The following ANO3 variants were observed in gnomAD, a reference collection of about 807,000 sequenced individuals.
ANO3 encodes anoctamin-3.
ANO3 carries 99 observed loss-of-function variants against 144.8 expected under a neutral mutation model. The ratio of observed to expected loss-of-function variants is 0.68; its 90% CI spans 0.58 to 0.81. The LOEUF (loss-of-function observed/expected upper bound fraction) is 0.81, where lower values mean the gene tolerates loss of function less well. Ranked by LOEUF, ANO3 falls within the 30% of genes least tolerant of loss-of-function variation. The pLI, the probability that ANO3 is intolerant of heterozygous loss-of-function variation, is 0.00. For missense variants in ANO3, 905 were observed against 1,202.2 expected, an observed-to-expected ratio of 0.75 and a Z score of 3.66; for synonymous variants, 414 against 392.6, an observed-to-expected ratio of 1.05 and a Z score of -0.64.
intron 1 of ANO3, among the ~76,000 whole-genome samples, chr11:26,233,212 G>A (rs565748055): frequency 2.4e-4 from 29 of 120,872 alleles, no homozygotes; most frequent in East Asian, 1.1e-3. Flanking sequence ...GCAAGACTCC[G>A]TCTCAAAAAA....
intron 14 of ANO3, among the ~76,000 whole-genome samples, chr11:26,579,076 G>A (rs889685022): frequency 6.6e-6 from 1 of 152,100 alleles, no homozygotes; most frequent in Non-Finnish European, 1.5e-5. Flanking sequence ...ATTAAGTGAG[G>A]TTACAACCAG....
intron 1 of ANO3, among the ~76,000 whole-genome samples, chr11:26,190,468 C>T (rs756453276): frequency 6.6e-6 from 1 of 151,868 alleles, no homozygotes; most frequent in African/African-American, 2.4e-5. Context: ...AGATATTGAA[C>T]CTAAAATTTC....
intron 1 of ANO3, among the ~76,000 whole-genome samples, chr11:26,214,459 C>T (rs1429394429): frequency 6.6e-6 from 1 of 151,806 alleles, no homozygotes; most frequent in Non-Finnish European, 1.5e-5. Flanking sequence ...TAGATGTCAT[C>T]GCATCACTAT....
At chr11:26,442,200 GT>G in intron 2 of ANO3, 88 bp downstream of exon 2, 1 of 1,294,698 alleles carries the variant, frequency 7.7e-7, no homozygotes, top group Non-Finnish European at 1.1e-6. Flanking sequence ...CATTGGACCA[GT>G]TTTATAGAGC....
At chr11:26,581,641 A>G (rs1235964734) in intron 14 of ANO3, among the ~76,000 whole-genome samples, 1 of 150,320 alleles carries the variant, frequency 6.7e-6, no homozygotes, top group Non-Finnish European at 1.5e-5. Context: ...GTGAGCCAAG[A>G]TCACACCATT....
intron 1 of ANO3, among the ~76,000 whole-genome samples, chr11:26,373,089 T>A (rs1409623635): frequency 6.6e-6 from 1 of 152,194 alleles, no homozygotes; most frequent in Non-Finnish European, 1.5e-5. Context: ...ATGGCAATTA[T>A]GTATATACGG....
At chr11:26,554,940 G>C (rs928066517) in intron 13 of ANO3, among the ~76,000 whole-genome samples, 1 of 152,066 alleles carries the variant, frequency 6.6e-6, no homozygotes, top group Non-Finnish European at 1.5e-5. Flanking sequence ...CCAGCATAGG[G>C]ATAAAATCAA....
At chr11:26,658,032 A>C (rs1475260039) in intron 26 of ANO3, among the ~76,000 whole-genome samples, 1 of 152,128 alleles carries the variant, frequency 6.6e-6, no homozygotes, top group Non-Finnish European at 1.5e-5. Context: ...TACCCCAAAA[A>C]AATCTCTGCC....
At chr11:26,396,803 G>C (rs57163459) in intron 1 of ANO3, among the ~76,000 whole-genome samples, 40,256 of 151,428 alleles carry the variant, frequency 0.27, 6,005 homozygotes, top group African/African-American at 0.41. Context: ...GGTGGTGGGG[G>C]ACTAGGGGAG....
chr11:26,463,082 C>A lies in ANO3; in HGVS notation c.366C>A (p.Asp122Glu), dbSNP rs900925249. ...ATGAATCAGAACACGCTACTTATGA[C>A]CGATCTCGTCTCATTAATGACTTTG... Reference protein sequence around the residue: ...YTDESEHATYDRSRLINDFVI... With the variant: ...YTDESEHATYERSRLINDFVI... Residue 122 changes from aspartate (D) to glutamate (E), a missense_variant, in exon 4 of 27, where the codon GAC (aspartate) becomes GAA (glutamate). By Grantham distance (45) the Asp-to-Glu change is conservative. Coordinates refer to ENST00000256737, the MANE Select transcript of ANO3 (RefSeq NM_031418.4). The A allele has an allele frequency of 1.3e-6, 2 of 1,597,590 alleles. No individual in the cohort carries two copies. Among genetic ancestry groups the A allele is most frequent in the African/African-American group, 1.3e-5 (1 of 74,246 alleles).
chr11:26,317,048 A>T (rs934480142), intron 1 of ANO3, among the ~76,000 whole-genome samples: 1 of 152,178 alleles, frequency 6.6e-6, no homozygotes, highest in African/African-American at 2.4e-5. Context: ...TGTAATAACT[A>T]ATAGCAATCC....
chr11:26,572,364 C>T (rs1473872681), intron 14 of ANO3: 22 of 449,812 alleles, frequency 4.9e-5, no homozygotes, highest in African/African-American at 1.3e-4. Context: ...GTATTACTCT[C>T]GTCAGTGGTA....
At chr11:26,289,685 A>T (rs1198042992) in intron 1 of ANO3, among the ~76,000 whole-genome samples, 1 of 101,570 alleles carries the variant, frequency 9.8e-6, no homozygotes, top group Non-Finnish European at 2.1e-5. Context: ...ATATACACAC[A>T]TATATTCTAT....
In ANO3 at chr11:26,537,386, T is replaced by C. The variant is rs1849537649; in HGVS notation, c.977-20T>C. The C allele has an allele frequency of 6.3e-7, 1 of 1,595,322 alleles. No homozygotes were observed. The highest frequency in any genetic ancestry group is 8.6e-7 in the Non-Finnish European group (1 of 1,162,868). ...TTCATTGAAACTAACTCAATAACTG[T>C]CCTTTTCTTCTCTTTGCAGGTATCC... is the stretch of plus-strand genomic sequence containing the variant. On this transcript the variant is annotated intron_variant, in intron 9 of 26. Transcript: ENST00000256737.
chr11:26,494,470 G>A (rs1187398732), intron 4 of ANO3, among the ~76,000 whole-genome samples: 1 of 152,140 alleles, frequency 6.6e-6, no homozygotes, highest in Non-Finnish European at 1.5e-5. Flanking sequence ...GGAAGTAGAA[G>A]TGAGTCTTCA....
chr11:26,565,378 G>C (rs1299464060), intron 14 of ANO3: 7 of 1,613,076 alleles, frequency 4.3e-6, no homozygotes, highest in Admixed American at 1.7e-5. Context: ...CTGTTATCAG[G>C]AGTTTTCACG....
chr11:26,597,457 C>T (rs950700982), intron 14 of ANO3, among the ~76,000 whole-genome samples: 21 of 152,266 alleles, frequency 1.4e-4, no homozygotes, highest in Non-Finnish European at 2.4e-4. Flanking sequence ...CGGCAATGGG[C>T]GCCTCGCTGA....
intron 1 of ANO3, among the ~76,000 whole-genome samples, chr11:26,400,742 A>C (rs1240000279): frequency 1.3e-5 from 2 of 151,622 alleles, no homozygotes; most frequent in Non-Finnish European, 2.9e-5. Flanking sequence ...ATATTAAACA[A>C]TTAAAGAAAA....
At chr11:26,198,762 C>A (rs1392250750) in intron 1 of ANO3, among the ~76,000 whole-genome samples, 1 of 152,042 alleles carries the variant, frequency 6.6e-6, no homozygotes, top group Non-Finnish European at 1.5e-5. Context: ...TAGTTTATGC[C>A]CCATATTTAA....
Sources: allele counts gnomAD v4.1 joint callset (sites outside exome capture counted in the v4.1 genomes callset), GRCh38; gene constraint gnomAD v4.1.1; transcripts MANE v1.5; gene names NCBI Gene and HGNC (gene_info 2026-07-23, HGNC 2026-07-21).